PUM1: variants seen among roughly 807,000 people sequenced by gnomAD.
The protein encoded by PUM1 is pumilio RNA binding family member 1.
PUM1 carries 13 observed loss-of-function variants against 131.8 expected under a neutral mutation model. The observed-to-expected ratio is 0.10, with a 90% CI of 0.06 to 0.16. The LOEUF (loss-of-function observed/expected upper bound fraction) is 0.16, where lower values mean the gene tolerates loss of function less well. PUM1 is among the 10% of genes least tolerant of loss of function. The probability of loss-of-function intolerance (pLI) is 1.00; values close to 1 mark genes in which losing one functional copy is unlikely to be tolerated. For missense variants in PUM1, 961 were observed against 1,512.4 expected, an observed-to-expected ratio of 0.64 and a Z score of 6.05; for synonymous variants, 509 against 556.5, an observed-to-expected ratio of 0.91 and a Z score of 1.20.
chr1:31,056,858 T>C (rs1298178479), intron 2 of PUM1, among the ~76,000 whole-genome samples: 1 of 151,932 alleles, frequency 6.6e-6, no homozygotes, highest in Non-Finnish European at 1.5e-5. Flanking sequence ...AATGGCAAGA[T>C]CTCAGCTCAC....
intron 7 of PUM1, among the ~76,000 whole-genome samples, chr1:30,985,196 G>T (rs746645880): frequency 2.5e-4 from 38 of 152,270 alleles, no homozygotes; most frequent in Non-Finnish European, 4.1e-4. Context: ...CACATGTAAA[G>T]ATTTATAAGA....
At chr1:31,043,771 CAG>C (rs1373368915) in intron 2 of PUM1, among the ~76,000 whole-genome samples, 1 of 152,118 alleles carries the variant, frequency 6.6e-6, no homozygotes, top group African/African-American at 2.4e-5. Context: ...ATACTTCCTT[CAG>C]AGAGAAAAGA....
At chr1:31,035,866 G>T (rs1643594041) in intron 2 of PUM1, among the ~76,000 whole-genome samples, 1 of 151,992 alleles carries the variant, frequency 6.6e-6, no homozygotes. Context: ...AACCTCTTTT[G>T]GTATAAATGG....
intron 3 of PUM1, among the ~76,000 whole-genome samples, chr1:31,015,484 G>C (rs953778299): frequency 6.6e-6 from 1 of 151,530 alleles, no homozygotes; most frequent in Non-Finnish European, 1.5e-5. Flanking sequence ...TGGGAATACA[G>C]GCACCTGCCA....
In PUM1 at chr1:31,044,429, C is replaced by T. The variant is rs115292467; in HGVS notation, c.363+14775G>A. 3.0e-3 allele frequency among the ~76,000 whole-genome samples: 450 copies of T among 151,906 alleles called. 2 individuals are homozygous for T. Among genetic ancestry groups the T allele is most frequent in the African/African-American group, 7.2e-3 (299 of 41,460 alleles). On this transcript the variant is annotated intron_variant, in intron 2 of 21. Coordinates refer to ENST00000426105, the MANE Select transcript of PUM1 (RefSeq NM_001020658.2). ...ATAAAAAATAAAAATAAATGATGTA[C>T]TGATAAATGCTACATACAACATAGA... is the stretch of plus-strand genomic sequence containing the variant.
chr1:31,042,291 G>A (rs908757028), intron 2 of PUM1, among the ~76,000 whole-genome samples: 10 of 150,772 alleles, frequency 6.6e-5, no homozygotes, highest in Non-Finnish European at 1.0e-4. Flanking sequence ...GGGCAACAGA[G>A]CGAGACTCTG....
chr1:30,979,520 C>A (rs1386587488), intron 9 of PUM1, among the ~76,000 whole-genome samples: 1 of 152,098 alleles, frequency 6.6e-6, no homozygotes, highest in South Asian at 2.1e-4. Flanking sequence ...CACCACCACC[C>A]CCACCCCGAC....
chr1:31,046,046 C>A (rs1037766983), intron 2 of PUM1, among the ~76,000 whole-genome samples: 2 of 151,744 alleles, frequency 1.3e-5, no homozygotes, highest in African/African-American at 4.8e-5. Context: ...CGTGCCACTA[C>A]ACTCCAGCCT....
intron 18 of PUM1, among the ~76,000 whole-genome samples, chr1:30,942,573 T>G (rs1161786709): frequency 6.6e-6 from 1 of 152,100 alleles, no homozygotes; most frequent in East Asian, 1.9e-4. Flanking sequence ...TTAACTGTGA[T>G]GTTTTTCAGC....
chr1:30,940,780 C>G (rs182973394), intron 20 of PUM1, among the ~76,000 whole-genome samples: 2 of 152,252 alleles, frequency 1.3e-5, no homozygotes, highest in African/African-American at 4.8e-5. Flanking sequence ...CCTAAGAATA[C>G]TAAGGCCTAT....
chr1:31,005,991 A>T lies in PUM1; in HGVS notation c.582T>A (p.Pro194=). Residue 194 remains proline, a synonymous_variant, in exon 5 of 22, where the codon CCT becomes CCA. Transcript: ENST00000426105. The part of the protein sequence containing the change: ...VSQPIMVQRR[P]GQSFHVNSEV... Reference sequence around the variant, plus strand: ...CACTGTTCACATGGAAACTCTGACCAGGTCTTCTCTGCACCATGATTGGCT... The same window carrying T: ...CACTGTTCACATGGAAACTCTGACCTGGTCTTCTCTGCACCATGATTGGCT... The T allele has an allele frequency of 6.2e-7, 1 of 1,612,276 alleles. No homozygotes were observed. Among genetic ancestry groups the T allele is most frequent in the Non-Finnish European group, 8.5e-7 (1 of 1,179,470 alleles).
intron 7 of PUM1, among the ~76,000 whole-genome samples, chr1:30,991,141 GA>G (rs1641774839): frequency 6.6e-6 from 1 of 151,496 alleles, no homozygotes; most frequent in African/African-American, 2.4e-5. Flanking sequence ...AAAAAACACA[GA>G]AAGTGTTAGA....
intron 2 of PUM1, among the ~76,000 whole-genome samples, chr1:31,049,334 G>C (rs901853504): frequency 6.6e-6 from 1 of 152,156 alleles, no homozygotes; most frequent in Non-Finnish European, 1.5e-5. Context: ...TGGCCAACAT[G>C]GTGAAACCCT....
intron 14 of PUM1, among the ~76,000 whole-genome samples, chr1:30,960,397 G>A (rs942008557): frequency 6.6e-6 from 1 of 152,028 alleles, no homozygotes; most frequent in African/African-American, 2.4e-5. Flanking sequence ...CTGTCCTGGA[G>A]GTTCTACACA....
At chr1:31,020,761 A>G (rs550161104) in intron 3 of PUM1, among the ~76,000 whole-genome samples, 36 of 152,326 alleles carry the variant, frequency 2.4e-4, no homozygotes, top group East Asian at 2.3e-3. Flanking sequence ...TAGGAAACAA[A>G]TATTTCATAG....
chr1:31,038,984 A>ATATATATATATATATATTTTTTTTTTT, intron 2 of PUM1, among the ~76,000 whole-genome samples: 3 of 49,414 alleles, frequency 6.1e-5, no homozygotes, highest in African/African-American at 4.1e-4. Context: ...ATATATATAT[A>ATATATATATATATATATTTTTTTTTTT]TTTTTTTTTT....
chr1:30,955,243 C>T (rs989319251), intron 14 of PUM1, among the ~76,000 whole-genome samples: 2 of 149,404 alleles, frequency 1.3e-5, no homozygotes, highest in African/African-American at 4.9e-5. Context: ...ATCACAAGGT[C>T]GGGAGATCAA....
intron 5 of PUM1, among the ~76,000 whole-genome samples, chr1:31,002,306 A>T (rs1221053672): frequency 2.0e-5 from 3 of 152,178 alleles, no homozygotes; most frequent in Admixed American, 6.5e-5. Context: ...CATCCTCCAG[A>T]TCAAAAAGCA....
At chr1:30,985,986 ACT>A (rs1041910415) in intron 7 of PUM1, among the ~76,000 whole-genome samples, 16 of 151,416 alleles carry the variant, frequency 1.1e-4, no homozygotes, top group Admixed American at 9.9e-4. Context: ...ACAGAGTGAG[ACT>A]CTGTCCCCGG....
Sources: allele counts gnomAD v4.1 joint callset (sites outside exome capture counted in the v4.1 genomes callset), GRCh38; gene constraint gnomAD v4.1.1; transcripts MANE v1.5; gene names NCBI Gene and HGNC (gene_info 2026-07-23, HGNC 2026-07-21).